Variants in NCAPD3 observed in about 807,000 individuals in gnomAD.
NCAPD3 encodes the protein non-SMC condensin II complex subunit D3, also known as condensin-2 complex subunit D3.
In NCAPD3, 105 loss-of-function variants were observed where a neutral mutation model predicts 182.9. The ratio of observed to expected loss-of-function variants is 0.57; its 90% CI spans 0.49 to 0.68. NCAPD3 has a LOEUF of 0.68. Among genes scored for constraint, NCAPD3 ranks in the 30% least tolerant of loss-of-function variants. The pLI, the probability that NCAPD3 is intolerant of heterozygous loss-of-function variation, is 0.00. For synonymous variants in NCAPD3, 815 were observed against 679.9 expected (o/e 1.20, Z -3.09); for missense variants, 1,944 against 1,837.0 (o/e 1.06, Z -1.07).
chr11:134,166,919 G>A (rs1248018270), intron 27 of NCAPD3, among the ~76,000 whole-genome samples: 1 of 114,594 alleles, frequency 8.7e-6, no homozygotes. Flanking sequence ...GCGCACACTC[G>A]TGAGATGAGC....
At position 134,223,709 on chromosome 11, in the gene NCAPD3, C is replaced by A. The variant is rs75994338; in HGVS notation, c.64+154G>T. Among the ~76,000 whole-genome samples the A allele has an allele frequency of 9.9e-3, 1,509 of 152,322 alleles. 20 individuals carry two copies. The highest frequency in any genetic ancestry group is 0.034 in the African/African-American group (1,415 of 41,578). On this transcript the variant is annotated intron_variant, in intron 1 of 34. Transcript: ENST00000534548. ...CACGGGAAACCTGGCTAGCCGCAAT[C>A]CTGGCGTGGCACGGCCCTGGGGACC...
chr11:134,176,085 G>C (rs1007976232), intron 24 of NCAPD3, among the ~76,000 whole-genome samples: 1 of 152,102 alleles, frequency 6.6e-6, no homozygotes, highest in Non-Finnish European at 1.5e-5. Flanking sequence ...TCAATGCTGA[G>C]ATTATTCAAT....
intron 15 of NCAPD3, among the ~76,000 whole-genome samples, 182 bp downstream of exon 15, chr11:134,193,834 T>C (rs1457116810): frequency 1.3e-5 from 2 of 152,248 alleles, no homozygotes; most frequent in African/African-American, 2.4e-5. Context: ...TTATGTTTAA[T>C]AGGAAGCACA....
intron 11 of NCAPD3, 61 bp from the exon 12 acceptor site, chr11:134,203,259 A>G (rs2305378): frequency 0.23 from 276,611 of 1,193,508 alleles, 34,211 homozygotes; most frequent in South Asian, 0.34. Context: ...GTAATTATCC[A>G]CGGAGGAATC....
At chr11:134,191,651 A>G (rs1332730914) in intron 16 of NCAPD3, among the ~76,000 whole-genome samples, 2 of 152,240 alleles carry the variant, frequency 1.3e-5, no homozygotes, top group Non-Finnish European at 2.9e-5. Flanking sequence ...ATAAGGAGGT[A>G]TCTCTAAGAA....
intron 19 of NCAPD3, among the ~76,000 whole-genome samples, chr11:134,182,757 C>T (rs988345268): frequency 1.3e-5 from 2 of 152,220 alleles, no homozygotes; most frequent in Admixed American, 6.5e-5. Flanking sequence ...TATACTGCTG[C>T]TGAGCTATAT....
At chr11:134,206,809 G>A in intron 7 of NCAPD3, 77 bp from the exon 8 acceptor site, 2 of 1,453,534 alleles carry the variant, frequency 1.4e-6, no homozygotes, top group South Asian at 1.4e-5. Flanking sequence ...GCAGACTGTA[G>A]TAAACCATTT....
At chr11:134,162,130 C>T (rs1329963539) in intron 27 of NCAPD3, among the ~76,000 whole-genome samples, 1 of 152,128 alleles carries the variant, frequency 6.6e-6, no homozygotes, top group Non-Finnish European at 1.5e-5. Context: ...CTCATATATT[C>T]TAAATGGGGA....
chr11:134,153,723 G>C, intron 32 of NCAPD3: 1 of 329,652 alleles, frequency 3.0e-6, no homozygotes, highest in Non-Finnish European at 5.8e-6. Flanking sequence ...ATTCCCTGAG[G>C]ACACTTCAAC....
intron 27 of NCAPD3, among the ~76,000 whole-genome samples, chr11:134,167,559 T>A (rs1331406141): frequency 1.7e-4 from 15 of 88,542 alleles, no homozygotes; most frequent in South Asian, 4.1e-4. Flanking sequence ...TCGGGGGAGC[T>A]GCACACTCAC....
chr11:134,205,793 A>C (rs1275485330), intron 8 of NCAPD3, among the ~76,000 whole-genome samples: 1 of 152,198 alleles, frequency 6.6e-6, no homozygotes. Context: ...AAAAAACGAA[A>C]CGATCGTGTT....
intron 24 of NCAPD3, among the ~76,000 whole-genome samples, chr11:134,174,085 G>C (rs1944095190): frequency 6.6e-6 from 1 of 151,978 alleles, no homozygotes; most frequent in African/African-American, 2.4e-5. Flanking sequence ...ATCTGCATTA[G>C]CAGAAACACA....
chr11:134,179,007 T>C, intron 20 of NCAPD3, 71 bp from the exon 21 acceptor site: 2 of 996,506 alleles, frequency 2.0e-6, no homozygotes, highest in South Asian at 1.4e-5. Flanking sequence ...ATTAAGGACA[T>C]GTCAATGGAG....
At chr11:134,181,032 A>G (rs1281607491) in intron 20 of NCAPD3, 45 bp downstream of exon 20, 2 of 1,427,124 alleles carry the variant, frequency 1.4e-6, no homozygotes, top group South Asian at 2.3e-5. Flanking sequence ...AACCTCACGG[A>G]TAAAATGGAA....
Position 134,176,300 on chromosome 11 carries a change from G to C in NCAPD3, c.3101+7C>G. 1.2e-6 allele frequency: 2 copies of C among 1,612,188 alleles called. No individual in the cohort carries two copies. The highest frequency in any genetic ancestry group is 8.5e-7 in the Non-Finnish European group (1 of 1,178,212). On this transcript the variant is annotated splice_region_variant and intron_variant, in intron 24 of 34. Transcript: ENST00000534548. ...GTTGAGTCGTCTGACGTGAGGAAAAGATTTACCTGGCAATGTCTGGGTGTG... is the reference window on the plus strand; with the variant it reads ...GTTGAGTCGTCTGACGTGAGGAAAACATTTACCTGGCAATGTCTGGGTGTG...
At chr11:134,212,455 G>C (rs1044326305) in intron 3 of NCAPD3, among the ~76,000 whole-genome samples, 9 of 151,202 alleles carry the variant, frequency 6.0e-5, no homozygotes, top group Middle Eastern at 3.2e-3. Flanking sequence ...GTACAGTGGC[G>C]TGGATCTCGG....
intron 19 of NCAPD3, chr11:134,182,945 T>C (rs1944328296): frequency 3.0e-6 from 1 of 329,700 alleles, no homozygotes; most frequent in South Asian, 2.3e-5. Context: ...TGTCGGCAGA[T>C]TAAAACCGTG....
intron 16 of NCAPD3, among the ~76,000 whole-genome samples, chr11:134,188,585 G>A (rs1944460480): frequency 6.6e-6 from 1 of 151,990 alleles, no homozygotes; most frequent in South Asian, 2.1e-4. Context: ...AACCCACCAG[G>A]AGGAACAAAC....
At chr11:134,162,088 G>A (rs1367937175) in intron 27 of NCAPD3, among the ~76,000 whole-genome samples, 197 bp from the exon 28 acceptor site, 2 of 152,162 alleles carry the variant, frequency 1.3e-5, no homozygotes, top group African/African-American at 4.8e-5. Context: ...ACACTCTGAA[G>A]GCTTTGTAAG....
Sources: gnomAD v4.1 joint callset for allele counts (sites outside exome capture counted in the v4.1 genomes callset) on GRCh38, gnomAD v4.1.1 for gene constraint, MANE v1.5 for transcripts, NCBI Gene and HGNC (gene_info 2026-07-23, HGNC 2026-07-21) for gene names.